XPO7: variants seen among roughly 807,000 people sequenced by gnomAD.
XPO7 encodes exportin 7, also known as exportin-7.
Under a neutral mutation model 144.3 loss-of-function variants are expected in XPO7, and 21 were observed. The ratio of observed to expected loss-of-function variants is 0.15; its 90% CI spans 0.10 to 0.21. The LOEUF is 0.21. XPO7 is among the 10% of genes least tolerant of loss of function. The pLI is 1.00. For missense variants in XPO7, 808 were observed against 1,325.8 expected (o/e 0.61, Z 6.06); for synonymous variants, 580 against 499.6 (o/e 1.16, Z -2.15).
At chr8:21,960,804 C>T (rs1368703952) in intron 1 of XPO7, among the ~76,000 whole-genome samples, 2 of 152,170 alleles carry the variant, frequency 1.3e-5, no homozygotes, top group Non-Finnish European at 2.9e-5. Flanking sequence ...AAGCATTTAG[C>T]GTTGTAAAAC....
chr8:21,936,561 A>G (rs750565912), intron 1 of XPO7, among the ~76,000 whole-genome samples: 8 of 152,164 alleles, frequency 5.3e-5, no homozygotes, highest in African/African-American at 1.4e-4. Context: ...TTTCCTAAGT[A>G]TTTTTTTGGC....
chr8:21,935,322 C>CA (rs1170057181), intron 1 of XPO7, among the ~76,000 whole-genome samples: 2 of 152,180 alleles, frequency 1.3e-5, no homozygotes, highest in Admixed American at 1.3e-4. Flanking sequence ...CAAGTTTACA[C>CA]AGAGTTTTCA....
In XPO7 at chr8:21,968,525, C is replaced by T. The variant is rs1215967493; in HGVS notation, c.166-958C>T. Among the ~76,000 whole-genome samples, 4 of 152,246 alleles carry T rather than the reference C, an allele frequency of 2.6e-5. No homozygotes were observed. The South Asian group carries it at 8.3e-4, about 32-fold the overall frequency. ...ATCACTTGGTGTTTGGATTGATGCA[C>T]TTGTATTTGTCCTGTGGGAGATGCC... On this transcript the variant is annotated intron_variant, in intron 2 of 27. Transcript: ENST00000252512.
intron 13 of XPO7, 83 bp from the exon 14 acceptor site, chr8:21,987,058 A>G: frequency 6.3e-7 from 1 of 1,584,942 alleles, no homozygotes; most frequent in Non-Finnish European, 8.6e-7. Context: ...ACAGGCATAT[A>G]CGACCATGTC....
rs1460633875 is a variant in XPO7 at position 21,958,781 on chromosome 8, GA to G, written c.19-8072del. 2.0e-5 allele frequency among the ~76,000 whole-genome samples: 3 copies of G among 152,010 alleles called. No homozygotes were observed. In the East Asian group the frequency reaches 5.8e-4, roughly 29 times the overall value. On this transcript the variant is annotated intron_variant, in intron 1 of 27. Transcript: ENST00000252512. ...TGGAGACCAGCCTGGCCAACATGGG[GA>G]AAACCCCATCTCTACTAAAAATACA...
intron 1 of XPO7, chr8:21,966,300 A>T (rs963847528): frequency 1.3e-6 from 1 of 780,692 alleles, no homozygotes; most frequent in Non-Finnish European, 2.4e-6. Flanking sequence ...GACATGAGGG[A>T]TCCAGGGAGG....
intron 1 of XPO7, among the ~76,000 whole-genome samples, chr8:21,963,453 T>G (rs1331829842): frequency 6.6e-6 from 1 of 152,174 alleles, no homozygotes; most frequent in South Asian, 2.1e-4. Context: ...CCCAGCACTT[T>G]GGGAGGCCAA....
At position 21,999,401 on chromosome 8, in the gene XPO7, G is replaced by C. The variant is rs1427560326; in HGVS notation, c.2643+96G>C. ...TTGAACACTGCTCTTGAGAAACTAT[G>C]TAAGCTAGCTCCTTTTGCTCTAACT... On this transcript the variant is annotated intron_variant, in intron 23 of 27. Transcript: ENST00000252512. 4.4e-6 allele frequency: 7 copies of C among 1,575,966 alleles called. No individual in the cohort carries two copies. The African/African-American group carries it at 6.8e-5, about 15-fold the overall frequency.
chr8:22,002,942 A>T (rs980881237), intron 25 of XPO7: 6 of 258,094 alleles, frequency 2.3e-5, no homozygotes, highest in African/African-American at 1.1e-4. Context: ...TGTTTACGTG[A>T]CCCCATCCCA....
rs1401976855 is a variant in XPO7 at position 22,004,030 on chromosome 8, G to A, written c.3170G>A (p.Arg1057Lys). ...ERNLLTKNRD[R>K]FTQNLSAFRR... Reference sequence around the variant, plus strand: ...AATCTTCTTACGAAAAACAGAGACAGGTGAGTATAAAGCGTCCTGCCTAGA... The same window carrying A: ...AATCTTCTTACGAAAAACAGAGACAAGTGAGTATAAAGCGTCCTGCCTAGA... Residue 1057 changes from arginine to lysine, a missense_variant and splice_region_variant, in exon 27 of 28, where the codon AGG becomes AAG. Physicochemically the swap from Arg to Lys is conservative, Grantham distance 26. Around this residue, in one of 5 missense-constraint regions of XPO7, gnomAD observed 140 missense variants for 237.9 expected, o/e 0.59. Transcript: ENST00000252512. 3 of 1,613,832 alleles carry A rather than the reference G, an allele frequency of 1.9e-6. No homozygotes were observed. Among genetic ancestry groups the A allele is most frequent in the East Asian group, 2.2e-5 (1 of 44,876 alleles).
At chr8:21,966,306 G>A (rs777673677) in intron 1 of XPO7, 1 of 780,494 alleles carries the variant, frequency 1.3e-6, no homozygotes, top group Non-Finnish European at 2.4e-6. Context: ...AGGGATCCAG[G>A]GAGGAAGGTG....
At position 21,966,837 on chromosome 8, in the gene XPO7, T is replaced by G; in HGVS notation, c.19-20T>G. 1 of 1,605,952 alleles carries G rather than the reference T, an allele frequency of 6.2e-7. No individual in the cohort carries two copies. The highest frequency in any genetic ancestry group is 8.5e-7 in the Non-Finnish European group (1 of 1,175,196). On this transcript the variant is annotated intron_variant, in intron 1 of 27. Coordinates refer to ENST00000252512, the MANE Select transcript of XPO7 (RefSeq NM_015024.5). ...TTGTAGTAGGCTGAACTGTTTTCTT[T>G]CCTGACTGATCTTTTCCAGAGCCTG...
chr8:21,964,472 A>G (rs564553710), intron 1 of XPO7: 52 of 152,336 alleles, frequency 3.4e-4, no homozygotes, highest in African/African-American at 1.2e-3. Context: ...ACTGGTAACT[A>G]AAAAAGCATA....
intron 10 of XPO7, 94 bp downstream of exon 10, chr8:21,981,971 CA>C: frequency 6.6e-7 from 1 of 1,523,296 alleles, no homozygotes. Flanking sequence ...TTTTTCTTGG[CA>C]AAGGTAACCA....
chr8:21,950,013 C>G (rs1811317664), intron 1 of XPO7, among the ~76,000 whole-genome samples: 1 of 152,224 alleles, frequency 6.6e-6, no homozygotes, highest in Admixed American at 6.5e-5. Flanking sequence ...GTGTGACACA[C>G]CGTACTGGGC....
intron 9 of XPO7, 75 bp from the exon 10 acceptor site, chr8:21,981,656 A>G (rs1812415453): frequency 1.2e-5 from 18 of 1,562,594 alleles, no homozygotes; most frequent in East Asian, 4.5e-5. Context: ...CCCCCATGCC[A>G]TCTCAAGTAT....
chr8:21,982,435 T>C (rs569513633), intron 10 of XPO7, among the ~76,000 whole-genome samples: 2 of 152,188 alleles, frequency 1.3e-5, no homozygotes, highest in Non-Finnish European at 1.5e-5. Context: ...ACAGCCAGCA[T>C]AGAGTAGCCC....
In XPO7 at chr8:21,995,722, A is replaced by G. The variant is rs192009329; in HGVS notation, c.2345+123A>G. 4.8e-5 allele frequency: 34 copies of G among 702,248 alleles called. No homozygotes were observed. In the Admixed American group the frequency reaches 6.4e-4, roughly 13 times the overall value. 43.5% of individuals were successfully genotyped at this position (702,248 alleles called of 1,614,324 possible). Reference sequence around the variant, plus strand: ...ATTCACTACTGCATTTTAAAATTCGAAAAGTTTTTGTGTTTTTGTTTGTGT... The same window carrying G: ...ATTCACTACTGCATTTTAAAATTCGGAAAGTTTTTGTGTTTTTGTTTGTGT... On this transcript the variant is annotated intron_variant, in intron 21 of 27. Transcript: ENST00000252512.
In XPO7 at chr8:21,996,180, T is replaced by C. The variant is rs550328310; in HGVS notation, c.2345+581T>C. 1.9e-4 allele frequency among the ~76,000 whole-genome samples: 29 copies of C among 152,326 alleles called. No individual in the cohort carries two copies. In the South Asian group the frequency reaches 3.9e-3, roughly 21 times the overall value. The stretch of plus-strand genomic sequence containing the variant: ...GGCTCATGCCTGTAATCCTAGCTTC[T>C]TGGGAGGCCGAAGTGGGCAGATTGC... On this transcript the variant is annotated intron_variant, in intron 21 of 27. Coordinates refer to ENST00000252512, the MANE Select transcript of XPO7 (RefSeq NM_015024.5).
Sources: gnomAD v4.1 joint callset for allele counts (sites outside exome capture counted in the v4.1 genomes callset) on GRCh38, gnomAD v4.1.1 for gene constraint, gnomAD v4.1.1 regional missense constraint, MANE v1.5 for transcripts, NCBI Gene and HGNC (gene_info 2026-07-23, HGNC 2026-07-21) for gene names.